Variants in HTR7 observed in about 807,000 individuals in gnomAD.
The protein encoded by HTR7 is 5-hydroxytryptamine receptor 7.
Under a neutral mutation model 34.0 loss-of-function variants are expected in HTR7, and 16 were observed. The ratio of observed to expected loss-of-function variants is 0.47; its 90% CI spans 0.32 to 0.71. The LOEUF is 0.71. HTR7 is among the 30% of genes least tolerant of loss of function. HTR7 has a pLI of 0.04. For missense variants in HTR7, 504 were observed against 625.5 expected, an observed-to-expected ratio of 0.81 and a Z score of 2.07; for synonymous variants, 265 against 260.2, an observed-to-expected ratio of 1.02 and a Z score of -0.18.
intron 1 of HTR7, among the ~76,000 whole-genome samples, chr10:90,841,740 C>T (rs1846332466): frequency 6.6e-6 from 1 of 152,194 alleles, no homozygotes; most frequent in African/African-American, 2.4e-5. Context: ...TGGCTCACAC[C>T]TGTAATCTCA....
chr10:90,772,480 G>A (rs919168921), intron 1 of HTR7, among the ~76,000 whole-genome samples: 15 of 151,910 alleles, frequency 9.9e-5, no homozygotes, highest in African/African-American at 2.9e-4. Context: ...ACACAAGTTC[G>A]GTTCAAAGGA....
chr10:90,835,251 T>A (rs999344277), intron 1 of HTR7, among the ~76,000 whole-genome samples: 10 of 152,198 alleles, frequency 6.6e-5, no homozygotes, highest in African/African-American at 2.4e-4. Context: ...GCTGGAGATG[T>A]TCATATAATG....
Position 90,849,920 on chromosome 10 carries a change from A to G in HTR7, c.539+7213T>C, listed in dbSNP as rs143791721. ...CAGGGAACAAAATCCTAGAGAAGAC[A>G]GAAGCACAGGGAGGCAAGCCAATAT... On this transcript the variant is annotated intron_variant, in intron 1 of 3. Coordinates refer to ENST00000336152, the MANE Select transcript of HTR7 (RefSeq NM_019859.4). Among the ~76,000 whole-genome samples the G allele has an allele frequency of 7.6e-3, 1,151 of 152,376 alleles. 7 individuals are homozygous for G. The highest frequency in any genetic ancestry group is 9.5e-3 in the Non-Finnish European group (645 of 68,040).
intron 1 of HTR7, among the ~76,000 whole-genome samples, chr10:90,808,764 T>G (rs560619569): frequency 8.5e-5 from 13 of 152,124 alleles, no homozygotes; most frequent in African/African-American, 2.9e-4. Flanking sequence ...ACTTAAAACC[T>G]CTTCAACTCA....
chr10:90,743,810 T>C (rs1371703186), intron 2 of HTR7, 120 bp from the exon 3 acceptor site: 2 of 796,592 alleles, frequency 2.5e-6, no homozygotes, highest in Non-Finnish European at 4.4e-6. Flanking sequence ...TGTGAATACT[T>C]GTGAAAAGGA....
chr10:90,795,064 G>T (rs1031241179), intron 1 of HTR7, among the ~76,000 whole-genome samples: 6 of 152,096 alleles, frequency 3.9e-5, no homozygotes, highest in Admixed American at 2.6e-4. Flanking sequence ...TCTGTTGTGG[G>T]GCATTTAGGT....
intron 1 of HTR7, among the ~76,000 whole-genome samples, chr10:90,752,223 T>C (rs1844750259): frequency 6.6e-6 from 1 of 152,166 alleles, no homozygotes. Context: ...TACTAACGTG[T>C]CTGGATATAA....
intron 2 of HTR7, among the ~76,000 whole-genome samples, chr10:90,745,841 A>G (rs958472273): frequency 6.6e-6 from 1 of 152,204 alleles, no homozygotes; most frequent in Non-Finnish European, 1.5e-5. Context: ...AGTAGTTTCA[A>G]TAGAGACCAT....
intron 1 of HTR7, among the ~76,000 whole-genome samples, chr10:90,800,564 A>AGATT (rs1299760970): frequency 6.6e-6 from 1 of 151,756 alleles, no homozygotes; most frequent in African/African-American, 2.4e-5. Context: ...ATACAACATG[A>AGATT]GATTAATCAT....
At chr10:90,811,315 A>G (rs1390902521) in intron 1 of HTR7, among the ~76,000 whole-genome samples, 2 of 151,824 alleles carry the variant, frequency 1.3e-5, no homozygotes, top group African/African-American at 4.8e-5. Context: ...ATCACAAACT[A>G]TGCTCAACTC....
intron 1 of HTR7, among the ~76,000 whole-genome samples, chr10:90,813,493 G>T (rs980744360): frequency 2.6e-5 from 4 of 151,076 alleles, no homozygotes; most frequent in Non-Finnish European, 4.4e-5. Context: ...CTGCACCCCA[G>T]CCTGGGTCAT....
At chr10:90,771,914 A>G (rs1407275332) in intron 1 of HTR7, among the ~76,000 whole-genome samples, 4 of 152,246 alleles carry the variant, frequency 2.6e-5, no homozygotes, top group Admixed American at 2.6e-4. Context: ...TGAGAGATTA[A>G]AAGGGAAAGG....
chr10:90,782,243 G>T (rs1845316966), intron 1 of HTR7, among the ~76,000 whole-genome samples: 1 of 152,172 alleles, frequency 6.6e-6, no homozygotes, highest in African/African-American at 2.4e-5. Context: ...AGCTTCCAGA[G>T]GCAACAACAT....
intron 1 of HTR7, among the ~76,000 whole-genome samples, chr10:90,845,273 C>G (rs139889844): frequency 6.6e-6 from 1 of 152,106 alleles, no homozygotes; most frequent in Non-Finnish European, 1.5e-5. Context: ...AGGGTGTCTT[C>G]GGAGAGTTGG....
chr10:90,857,839 G>A lies in HTR7; in HGVS notation c.-168C>T. 1.7e-6 allele frequency: 1 copy of A among 596,306 alleles called. No individual in the cohort carries two copies. Among genetic ancestry groups the A allele is most frequent in the Non-Finnish European group, 2.4e-6 (1 of 413,488 alleles). The allele number at this position is 596,306 out of a possible 1,614,324, so 36.9% of individuals were successfully genotyped here. A position where few individuals can be genotyped will look rare whatever the true frequency, so the allele number is the denominator to read the frequency against. On this transcript the variant is annotated 5_prime_UTR_variant, in exon 1 of 4. Coordinates refer to ENST00000336152, the MANE Select transcript of HTR7 (RefSeq NM_019859.4). This position sits in a 1 kb window ranked among gnomAD's most constrained non-coding sequence, Gnocchi z 6.5. ...CTGTCTCGGAGCCCCGCACTCCCCG[G>A]ACCCCCGGCCGCTGCGGGTAACGCG...
chr10:90,812,211 C>A (rs1254165196), intron 1 of HTR7, among the ~76,000 whole-genome samples: 1 of 152,090 alleles, frequency 6.6e-6, no homozygotes. Flanking sequence ...AGACACCAGA[C>A]CAACTTAGAC....
intron 1 of HTR7, among the ~76,000 whole-genome samples, chr10:90,769,864 A>C (rs1160370357): frequency 1.3e-5 from 2 of 152,256 alleles, no homozygotes; most frequent in Non-Finnish European, 2.9e-5. Flanking sequence ...AATAAATAAA[A>C]CTGAAAATCC....
chr10:90,763,636 G>A lies in HTR7; in HGVS notation c.540-14042C>T, dbSNP rs1225687581. On this transcript the variant is annotated intron_variant, in intron 1 of 3. Coordinates refer to ENST00000336152, the MANE Select transcript of HTR7 (RefSeq NM_019859.4). Reference sequence around the variant, plus strand: ...CCTCTTGCCCCCCATCCCCCAACAGGCTCCAGTGTGTGTTGTTCCCTTCCC... The same window carrying A: ...CCTCTTGCCCCCCATCCCCCAACAGACTCCAGTGTGTGTTGTTCCCTTCCC... 2.0e-5 allele frequency among the ~76,000 whole-genome samples: 3 copies of A among 151,954 alleles called. No homozygotes were observed. In the East Asian group the frequency reaches 5.8e-4, roughly 29 times the overall value.
At chr10:90,760,478 C>T (rs1317056644) in intron 1 of HTR7, among the ~76,000 whole-genome samples, 2 of 152,134 alleles carry the variant, frequency 1.3e-5, no homozygotes, top group African/African-American at 4.8e-5. Flanking sequence ...ATTCAAATAG[C>T]TAGAAGGAGG....
Sources: allele counts gnomAD v4.1 joint callset (sites outside exome capture counted in the v4.1 genomes callset), GRCh38; gene constraint gnomAD v4.1.1; non-coding constraint Gnocchi (gnomAD v3.1); transcripts MANE v1.5; gene names NCBI Gene and HGNC (gene_info 2026-07-23, HGNC 2026-07-21).